SPTLC3: variants seen among roughly 807,000 people sequenced by gnomAD.
SPTLC3 encodes the protein serine palmitoyltransferase 3.
Under a neutral mutation model 59.3 loss-of-function variants are expected in SPTLC3, and 36 were observed. That is an observed-to-expected ratio of 0.61 (90% confidence interval 0.47 to 0.80). The LOEUF (loss-of-function observed/expected upper bound fraction) is 0.80. SPTLC3 is among the 30% of genes least tolerant of loss of function. SPTLC3 has a pLI of 0.00. For missense variants in SPTLC3, 625 were observed against 685.1 expected, an observed-to-expected ratio of 0.91 and a Z score of 0.98; for synonymous variants, 257 against 240.8, an observed-to-expected ratio of 1.07 and a Z score of -0.62.
rs1382519057 is a variant in SPTLC3, at chr20:13,044,112, T to A, written c.118-4833T>A. On this transcript the variant is annotated intron_variant, in intron 1 of 11. Coordinates refer to ENST00000399002, the MANE Select transcript of SPTLC3 (RefSeq NM_018327.4). The stretch of plus-strand genomic sequence containing the variant: ...TCTTGTTTCTTTTTTTTCTTTTTTT[T>A]TTTTTGAGATGGAGTCTTGCTCTGT... 3.4e-5 allele frequency among the ~76,000 whole-genome samples: 5 copies of A among 147,792 alleles called. No homozygotes were observed. The East Asian group carries it at 5.9e-4, about 17-fold the overall frequency.
intron 11 of SPTLC3, 111 bp downstream of exon 11, chr20:13,160,243 A>G: frequency 7.6e-7 from 1 of 1,317,462 alleles, no homozygotes; most frequent in Non-Finnish European, 1.0e-6. Flanking sequence ...GTTATTTAGG[A>G]AAACAACACT....
At chr20:13,061,208 T>G (rs1358456732) in intron 2 of SPTLC3, among the ~76,000 whole-genome samples, 4 of 152,172 alleles carry the variant, frequency 2.6e-5, no homozygotes, top group Non-Finnish European at 1.5e-5. Flanking sequence ...TGGGGGTGCA[T>G]ATGCTCTACC....
At chr20:13,097,828 G>T (rs1329878568) in intron 6 of SPTLC3, among the ~76,000 whole-genome samples, 1 of 152,128 alleles carries the variant, frequency 6.6e-6, no homozygotes, top group African/African-American at 2.4e-5. Context: ...CAGATTAAAG[G>T]ATAAGAAAGA....
At chr20:13,055,697 G>T (rs1215105233) in intron 2 of SPTLC3, among the ~76,000 whole-genome samples, 1 of 152,132 alleles carries the variant, frequency 6.6e-6, no homozygotes, top group Non-Finnish European at 1.5e-5. Context: ...CACATGAAGA[G>T]TTGTTTCCTA....
At chr20:13,075,949 G>A (rs1988632272) in intron 4 of SPTLC3, among the ~76,000 whole-genome samples, 3 of 152,176 alleles carry the variant, frequency 2.0e-5, no homozygotes, top group Admixed American at 6.5e-5. Flanking sequence ...ATGGGTCCCC[G>A]ACTCCATAGG....
At chr20:13,154,624 C>T (rs2038724060) in intron 10 of SPTLC3, among the ~76,000 whole-genome samples, 1 of 152,154 alleles carries the variant, frequency 6.6e-6, no homozygotes, top group Admixed American at 6.5e-5. Flanking sequence ...TGCCCAAAGT[C>T]ACACAAGTCA....
intron 1 of SPTLC3, among the ~76,000 whole-genome samples, chr20:13,015,752 A>G (rs1436589020): frequency 1.3e-5 from 2 of 152,164 alleles, no homozygotes; most frequent in Non-Finnish European, 2.9e-5. Flanking sequence ...TGCTCACCAA[A>G]AGAATTAGAA....
intron 1 of SPTLC3, among the ~76,000 whole-genome samples, chr20:13,015,045 C>T (rs150948201): frequency 3.2e-4 from 49 of 152,244 alleles, no homozygotes; most frequent in African/African-American, 1.2e-3. Context: ...TGATCAGATA[C>T]GGTTTCTCCC....
chr20:13,088,367 C>T (rs927203607), intron 4 of SPTLC3, among the ~76,000 whole-genome samples: 1 of 152,106 alleles, frequency 6.6e-6, no homozygotes, highest in African/African-American at 2.4e-5. Context: ...TGGAGTCTTG[C>T]TCTGTCGCCC....
At chr20:13,129,031 C>T (rs1396970326) in intron 9 of SPTLC3, among the ~76,000 whole-genome samples, 19 of 152,020 alleles carry the variant, frequency 1.2e-4, no homozygotes, top group Admixed American at 1.1e-3. Context: ...TGTCCCCCAC[C>T]ATGCCTGGCT....
At chr20:13,126,764 C>T in intron 9 of SPTLC3, 47 bp downstream of exon 9, 2 of 1,602,602 alleles carry the variant, frequency 1.2e-6, no homozygotes, top group Non-Finnish European at 1.7e-6. Flanking sequence ...CTCTGTCTCC[C>T]TTCTGCCTCA....
chr20:13,059,726 T>C (rs1250109560), intron 2 of SPTLC3, among the ~76,000 whole-genome samples: 1 of 152,204 alleles, frequency 6.6e-6, no homozygotes, highest in Non-Finnish European at 1.5e-5. Context: ...CTGCCTCCAA[T>C]ATCTCTTTTA....
intron 2 of SPTLC3, among the ~76,000 whole-genome samples, chr20:13,065,639 A>G (rs1377539531): frequency 6.6e-6 from 1 of 152,036 alleles, no homozygotes; most frequent in Non-Finnish European, 1.5e-5. Flanking sequence ...TTACATATTT[A>G]TACTGATTCC....
intron 5 of SPTLC3, among the ~76,000 whole-genome samples, chr20:13,092,210 G>A (rs879309849): frequency 3.9e-5 from 6 of 152,212 alleles, no homozygotes; most frequent in Non-Finnish European, 7.3e-5. Flanking sequence ...GGAGGAACTA[G>A]AATATGGAAT....
At chr20:13,100,978 G>A (rs6131441) in intron 6 of SPTLC3, among the ~76,000 whole-genome samples, 2 of 74,266 alleles carry the variant, frequency 2.7e-5, no homozygotes, top group African/African-American at 6.8e-5. Context: ...CAGTAGGTGA[G>A]CAGGGCACAG....
intron 1 of SPTLC3, among the ~76,000 whole-genome samples, chr20:13,030,123 A>T (rs1295965281): frequency 6.6e-6 from 1 of 152,210 alleles, no homozygotes; most frequent in Non-Finnish European, 1.5e-5. Flanking sequence ...ACCACATTGC[A>T]TGTGCCTCCA....
At chr20:13,102,045 C>T (rs6041859) in intron 6 of SPTLC3, among the ~76,000 whole-genome samples, 115,853 of 152,056 alleles carry the variant, frequency 0.76, 45,223 homozygotes, top group African/African-American at 0.94. Context: ...AGAACCAAAA[C>T]TCTGCCTACT....
At chr20:13,078,702 G>A (rs1162766524) in intron 4 of SPTLC3, among the ~76,000 whole-genome samples, 2 of 152,056 alleles carry the variant, frequency 1.3e-5, no homozygotes, top group Non-Finnish European at 2.9e-5. Flanking sequence ...AGGTAAAATA[G>A]CCATTATTTG....
At chr20:13,154,192 T>C (rs1439119460) in intron 10 of SPTLC3, 54 bp downstream of exon 10, 2 of 1,603,020 alleles carry the variant, frequency 1.2e-6, no homozygotes, top group African/African-American at 2.7e-5. Context: ...TGACCTAAGA[T>C]GGCTTTTTGG....
Sources: allele counts gnomAD v4.1 joint callset (sites outside exome capture counted in the v4.1 genomes callset), GRCh38; gene constraint gnomAD v4.1.1; transcripts MANE v1.5; gene names NCBI Gene and HGNC (gene_info 2026-07-23, HGNC 2026-07-21).